DAB1: variants seen among roughly 807,000 people sequenced by gnomAD.
DAB1 encodes the protein DAB adaptor protein 1, also known as disabled homolog 1.
DAB1 carries 15 observed loss-of-function variants against 64.6 expected under a neutral mutation model. That is an observed-to-expected ratio of 0.23 (90% CI 0.16 to 0.36). The LOEUF is 0.36. DAB1 is among the 10% of genes least tolerant of loss of function. DAB1 has a pLI of 1.00. For synonymous variants in DAB1, 235 were observed against 251.9 expected, an observed-to-expected ratio of 0.93 and a Z score of 0.64; for missense variants, 596 against 706.7, an observed-to-expected ratio of 0.84 and a Z score of 1.78.
At chr1:57,569,238 G>GAC (rs1645163466) in intron 7 of DAB1, among the ~76,000 whole-genome samples, 4 of 120,072 alleles carry the variant, frequency 3.3e-5, no homozygotes, top group Non-Finnish European at 4.9e-5. Flanking sequence ...CAGCCTGGGC[G>GAC]ACAGCGAGAC....
chr1:58,331,982 T>C (rs1569651000), intron 4 of DAB1, among the ~76,000 whole-genome samples: 1 of 152,172 alleles, frequency 6.6e-6, no homozygotes, highest in East Asian at 1.9e-4. Flanking sequence ...GATGCTAACC[T>C]CATCTCTTGC....
intron 6 of DAB1, among the ~76,000 whole-genome samples, chr1:57,667,756 C>T (rs1368476511): frequency 6.6e-6 from 1 of 152,036 alleles, no homozygotes; most frequent in Non-Finnish European, 1.5e-5. Flanking sequence ...AACCATCATT[C>T]TCAGTAAACT....
chr1:57,698,842 C>T (rs921001065), intron 6 of DAB1, among the ~76,000 whole-genome samples: 7 of 152,150 alleles, frequency 4.6e-5, no homozygotes, highest in Non-Finnish European at 8.8e-5. Flanking sequence ...AACTTGCTGT[C>T]AATATTAATT....
At chr1:57,645,089 C>A (rs930638119) in intron 7 of DAB1, among the ~76,000 whole-genome samples, 2 of 152,134 alleles carry the variant, frequency 1.3e-5, no homozygotes, top group East Asian at 3.9e-4. Context: ...TCATCTGGAT[C>A]CACAGATGAG....
intron 5 of DAB1, among the ~76,000 whole-genome samples, chr1:58,083,924 A>G (rs1054583459): frequency 4.6e-5 from 7 of 152,108 alleles, no homozygotes; most frequent in African/African-American, 1.7e-4. Context: ...GTTTAAGTAG[A>G]ACGTTCTAGG....
chr1:58,069,632 C>T lies in DAB1; in HGVS notation n.387+80879G>A, dbSNP rs561920303. 3.9e-5 allele frequency among the ~76,000 whole-genome samples: 6 copies of T among 152,274 alleles called. 1 individual carries two copies. Among genetic ancestry groups the T allele is most frequent in the East Asian group, 1.9e-4 (1 of 5,184 alleles). On this transcript the variant is annotated intron_variant and non_coding_transcript_variant, in intron 5 of 20. Coordinates refer to the DAB1 transcript ENST00000485760. ...GCTCTGTGACTGTCACTGTCTGTCC[C>T]TCAATGCATGTTCAGCACAACACAC...
At chr1:58,351,935 T>C (rs1022355389) in intron 3 of DAB1, among the ~76,000 whole-genome samples, 1 of 147,334 alleles carries the variant, frequency 6.8e-6, no homozygotes, top group Non-Finnish European at 1.5e-5. Flanking sequence ...GAAGTTGGAG[T>C]AGGATGGGAA....
intron 2 of DAB1, among the ~76,000 whole-genome samples, chr1:57,155,544 A>T (rs1353067871): frequency 6.6e-6 from 1 of 151,566 alleles, no homozygotes; most frequent in Non-Finnish European, 1.5e-5. Flanking sequence ...GGTTCCATAT[A>T]AATTTTAGGA....
intron 14 of DAB1, among the ~76,000 whole-genome samples, chr1:56,998,821 G>T (rs1446681357): frequency 6.6e-6 from 1 of 152,170 alleles, no homozygotes; most frequent in African/African-American, 2.4e-5. Context: ...CACATACAGG[G>T]ATTTTCAACC....
rs143148401 is a variant in DAB1 at position 57,457,917 on chromosome 1, G to T, written n.626-166751C>A. Among the ~76,000 whole-genome samples the T allele has an allele frequency of 2.9e-3, 446 of 152,242 alleles. 1 individual carries two copies. The highest frequency in any genetic ancestry group is 0.01 in the African/African-American group (423 of 41,556). On this transcript the variant is annotated intron_variant and non_coding_transcript_variant, in intron 7 of 20. Transcript: ENST00000485760. The stretch of plus-strand genomic sequence containing the variant: ...CAAAGATATAATTGAAGAAAACTTT[G>T]CTGAGAGAAAAACAAAGAGCAAAAT...
At chr1:58,522,582 A>G (rs1376203464) in intron 2 of DAB1, among the ~76,000 whole-genome samples, 3 of 151,830 alleles carry the variant, frequency 2.0e-5, no homozygotes, top group African/African-American at 7.3e-5. Flanking sequence ...TAAAAAGTAC[A>G]GTTGACCCTT....
chr1:57,598,360 T>C (rs182343414), intron 7 of DAB1, among the ~76,000 whole-genome samples: 1 of 152,376 alleles, frequency 6.6e-6, no homozygotes. Flanking sequence ...CGTTACTCCT[T>C]TGCTGTGTGC....
At position 57,636,873 on chromosome 1, in the gene DAB1, G is replaced by A. The variant is rs144897708; in HGVS notation, n.625+12719C>T. ...CAGATGGAGTTCTAAGTTCAGGGAA[G>A]TGATAGGATTGGAGAGAAATATGGA... On this transcript the variant is annotated intron_variant and non_coding_transcript_variant, in intron 7 of 20. Transcript: ENST00000485760. Among the ~76,000 whole-genome samples the A allele has an allele frequency of 5.6e-3, 846 of 152,296 alleles. 10 individuals are homozygous for A. Among genetic ancestry groups the A allele is most frequent in the African/African-American group, 0.019 (770 of 41,556 alleles).
chr1:57,597,075 C>A (rs1645519708), intron 7 of DAB1, among the ~76,000 whole-genome samples: 1 of 152,186 alleles, frequency 6.6e-6, no homozygotes. Context: ...ATCATTCGCA[C>A]CAACACCCCC....
chr1:58,462,348 G>A (rs1367401849), intron 3 of DAB1, among the ~76,000 whole-genome samples: 1 of 151,960 alleles, frequency 6.6e-6, no homozygotes, highest in Non-Finnish European at 1.5e-5. Flanking sequence ...GGATGGTCTC[G>A]ATCTCCTGAC....
chr1:58,196,225 G>A lies in DAB1; in HGVS notation n.310-45637C>T, dbSNP rs547608940. ...AGTAGCATGTGCAAATGCAGGAGGT[G>A]AAAAGGCAGCCTTGTGTGTTCTGGA... On this transcript the variant is annotated intron_variant and non_coding_transcript_variant, in intron 4 of 20. Transcript: ENST00000485760. 5.3e-5 allele frequency among the ~76,000 whole-genome samples: 8 copies of A among 152,342 alleles called. No homozygotes were observed. The South Asian group carries it at 6.2e-4, about 12-fold the overall frequency.
chr1:57,158,960 G>T (rs1660490841), intron 2 of DAB1, among the ~76,000 whole-genome samples: 2 of 152,178 alleles, frequency 1.3e-5, no homozygotes, highest in South Asian at 4.1e-4. Context: ...AGAAAGTGAA[G>T]TGCTATGGTA....
intron 7 of DAB1, among the ~76,000 whole-genome samples, chr1:57,578,299 T>C (rs1645274038): frequency 6.6e-6 from 1 of 152,226 alleles, no homozygotes; most frequent in African/African-American, 2.4e-5. Flanking sequence ...GTGCAGGTCT[T>C]GGATCTGCAG....
chr1:58,476,709 T>C (rs1645422358), intron 3 of DAB1, among the ~76,000 whole-genome samples: 1 of 152,226 alleles, frequency 6.6e-6, no homozygotes, highest in African/African-American at 2.4e-5. Context: ...CATGTATACA[T>C]ACGCTTAAAA....
Sources: gnomAD v4.1 joint callset for allele counts (sites outside exome capture counted in the v4.1 genomes callset) on GRCh38, gnomAD v4.1.1 for gene constraint, MANE v1.5 for transcripts, NCBI Gene and HGNC (gene_info 2026-07-23, HGNC 2026-07-21) for gene names.